Variants in CAMK2D observed in about 807,000 individuals in gnomAD.
CAMK2D encodes the protein calcium/calmodulin-dependent protein kinase type II subunit delta.
A neutral mutation model predicts 84.0 loss-of-function variants in CAMK2D; 37 were observed. The observed-to-expected ratio is 0.44, with a 90% confidence interval of 0.34 to 0.58. CAMK2D has a LOEUF of 0.58. Among genes scored for constraint, CAMK2D ranks in the 20% least tolerant of loss-of-function variants. The pLI, the probability that CAMK2D is intolerant of heterozygous loss-of-function variation, is 0.02. For synonymous variants in CAMK2D, 202 were observed against 212.5 expected (o/e 0.95, Z 0.43); for missense variants, 448 against 652.5 (o/e 0.69, Z 3.41).
At position 113,451,202 on chromosome 4, in the gene CAMK2D, C is replaced by G. The variant is rs550690946; in HGVS notation, c.*3343G>C. On this transcript the variant is annotated 3_prime_UTR_variant, in exon 21 of 21. Coordinates refer to ENST00000511664, the MANE Select transcript of CAMK2D (RefSeq NM_001321571.2). ...GATTTGCTACTACATTTCATTTTTC[C>G]TACATTCAGCTAGATGACCACTTCA... The G allele has an allele frequency of 1.4e-4, 22 of 152,098 alleles. No homozygotes were observed. The East Asian group carries it at 4.1e-3, about 28-fold the overall frequency. The allele number at this position is 152,098 out of a possible 1,614,324, so 9.4% of individuals were successfully genotyped here. A position where few individuals can be genotyped will look rare whatever the true frequency, so the allele number is the denominator to read the frequency against.
chr4:113,456,207 A>G (rs1367174118), intron 19 of CAMK2D, among the ~76,000 whole-genome samples: 4 of 152,166 alleles, frequency 2.6e-5, no homozygotes, highest in African/African-American at 4.8e-5. Flanking sequence ...TATGCTACCA[A>G]ACTAAGAAAT....
chr4:113,623,063 A>C (rs1466963639), intron 3 of CAMK2D, among the ~76,000 whole-genome samples: 1 of 152,152 alleles, frequency 6.6e-6, no homozygotes, highest in Non-Finnish European at 1.5e-5. Context: ...ACTCCTTTAC[A>C]AAAAAAGTTT....
intron 4 of CAMK2D, among the ~76,000 whole-genome samples, chr4:113,600,556 A>T (rs2098947405): frequency 6.6e-6 from 1 of 152,218 alleles, no homozygotes; most frequent in Non-Finnish European, 1.5e-5. Flanking sequence ...CTTCATGAAG[A>T]TGAATTATAA....
At chr4:113,467,506 T>C (rs2097489181) in intron 16 of CAMK2D, among the ~76,000 whole-genome samples, 2 of 152,188 alleles carry the variant, frequency 1.3e-5, no homozygotes, top group Admixed American at 1.3e-4. Flanking sequence ...CATAATATGG[T>C]TGCTAACAAT....
chr4:113,718,237 C>T (rs1214417081), intron 2 of CAMK2D, among the ~76,000 whole-genome samples: 1 of 152,076 alleles, frequency 6.6e-6, no homozygotes, highest in Admixed American at 6.6e-5. Flanking sequence ...TTTATTATTA[C>T]TCAAATCAGT....
At chr4:113,690,081 C>T (rs1338142445) in intron 2 of CAMK2D, among the ~76,000 whole-genome samples, 1 of 151,956 alleles carries the variant, frequency 6.6e-6, no homozygotes, top group African/African-American at 2.4e-5. Flanking sequence ...CAAAATGAAG[C>T]CAGATCAGGC....
At chr4:113,695,276 T>C (rs957332941) in intron 2 of CAMK2D, among the ~76,000 whole-genome samples, 2 of 150,546 alleles carry the variant, frequency 1.3e-5, no homozygotes, top group African/African-American at 4.9e-5. Flanking sequence ...AGAAGAAATT[T>C]TGAAATAATT....
chr4:113,652,096 T>C (rs1335383373), intron 3 of CAMK2D, among the ~76,000 whole-genome samples: 1 of 152,208 alleles, frequency 6.6e-6, no homozygotes, highest in East Asian at 1.9e-4. Flanking sequence ...TTCAGAGTTA[T>C]ACAGCAGCGA....
chr4:113,698,898 G>A lies in CAMK2D; in HGVS notation c.161-37126C>T, dbSNP rs1020039557. On this transcript the variant is annotated intron_variant, in intron 2 of 20. Coordinates refer to ENST00000511664, the MANE Select transcript of CAMK2D (RefSeq NM_001321571.2). Reference sequence around the variant, plus strand: ...CACTTTGGAGAGTGAAATTAAGGACGCCAGGGGTGGAGAAGAGGGGAATTT... The same window carrying A: ...CACTTTGGAGAGTGAAATTAAGGACACCAGGGGTGGAGAAGAGGGGAATTT... 5.9e-5 allele frequency among the ~76,000 whole-genome samples: 9 copies of A among 152,082 alleles called. 1 individual carries two copies. The East Asian group carries it at 7.7e-4, about 13-fold the overall frequency.
intron 2 of CAMK2D, among the ~76,000 whole-genome samples, chr4:113,695,784 T>C (rs919146047): frequency 2.6e-5 from 4 of 152,094 alleles, no homozygotes; most frequent in African/African-American, 4.8e-5. Flanking sequence ...AGTAACCAGA[T>C]TGACCCCATT....
chr4:113,502,385 AAACAACAACAAC>A (rs139759722), intron 15 of CAMK2D, among the ~76,000 whole-genome samples: 309 of 150,492 alleles, frequency 2.1e-3, no homozygotes, highest in African/African-American at 6.7e-3. Flanking sequence ...AATTCATGCC[AAACAACAACAAC>A]AACAACAACA....
intron 2 of CAMK2D, among the ~76,000 whole-genome samples, chr4:113,755,445 T>C (rs1233162617): frequency 6.6e-6 from 1 of 151,944 alleles, no homozygotes; most frequent in African/African-American, 2.4e-5. Context: ...ATAACTTATT[T>C]TTTAACCCTA....
chr4:113,603,291 C>T (rs1461190355), intron 4 of CAMK2D, among the ~76,000 whole-genome samples: 1 of 151,250 alleles, frequency 6.6e-6, no homozygotes, highest in Non-Finnish European at 1.5e-5. Flanking sequence ...ATACATGTGC[C>T]ATGTTGGTGT....
rs2097268977 is a variant in CAMK2D, at chr4:113,453,099, A to G, written c.*1446T>C. 6.6e-6 allele frequency: 1 copy of G among 152,250 alleles called. No homozygotes were observed. The highest frequency in any genetic ancestry group is 1.5e-5 in the Non-Finnish European group (1 of 68,046). 9.4% of individuals were successfully genotyped at this position (152,250 alleles called of 1,614,324 possible). ...CACTTCAGGGAAGAGAACAAAAATC[A>G]CAGGAATTGAATCAACAAAGGAAAA... On this transcript the variant is annotated 3_prime_UTR_variant, in exon 21 of 21. Transcript: ENST00000511664.
At chr4:113,609,708 G>A (rs971712602) in intron 3 of CAMK2D, among the ~76,000 whole-genome samples, 1 of 152,090 alleles carries the variant, frequency 6.6e-6, no homozygotes, top group Non-Finnish European at 1.5e-5. Context: ...GTTTCCCTGT[G>A]TTCTCCCTTT....
At chr4:113,661,631 T>G in intron 3 of CAMK2D, 82 bp downstream of exon 3, 1 of 621,938 alleles carries the variant, frequency 1.6e-6, no homozygotes, top group East Asian at 2.9e-5. Context: ...ATATTCTAGA[T>G]TATAAAATTA....
chr4:113,486,816 G>T (rs760527521), intron 16 of CAMK2D, among the ~76,000 whole-genome samples: 24 of 152,130 alleles, frequency 1.6e-4, no homozygotes, highest in Non-Finnish European at 2.4e-4. Flanking sequence ...TATTGATCAC[G>T]ATTCACTCTC....
chr4:113,609,286 T>TGA, intron 3 of CAMK2D, 80 bp from the exon 4 acceptor site: 1 of 771,532 alleles, frequency 1.3e-6, no homozygotes, highest in East Asian at 2.5e-5. Flanking sequence ...CATGGACATA[T>TGA]GTCTCCTAGC....
chr4:113,463,551 C>G (rs780968361), intron 17 of CAMK2D, among the ~76,000 whole-genome samples: 1 of 151,974 alleles, frequency 6.6e-6, no homozygotes, highest in African/African-American at 2.4e-5. Context: ...TAATTTTGTA[C>G]TTTTAGTAGA....
Sources: allele counts gnomAD v4.1 joint callset (sites outside exome capture counted in the v4.1 genomes callset), GRCh38; gene constraint gnomAD v4.1.1; transcripts MANE v1.5; gene names NCBI Gene and HGNC (gene_info 2026-07-23, HGNC 2026-07-21).